The following ARIH1 variants were observed in gnomAD, a reference collection of about 807,000 sequenced individuals.
The protein encoded by ARIH1 is ariadne RBR E3 ubiquitin protein ligase 1.
ARIH1 carries 8 observed loss-of-function variants against 85.0 expected under a neutral mutation model. The observed-to-expected ratio is 0.09, with a 90% CI of 0.06 to 0.17. ARIH1 has a LOEUF of 0.17. ARIH1 is among the 10% of genes least tolerant of loss of function. The pLI is 1.00. For missense variants in ARIH1, 311 were observed against 718.1 expected (o/e 0.43, Z 6.48); for synonymous variants, 238 against 253.6 (o/e 0.94, Z 0.59).
chr15:72,475,407 AC>A (rs981442380), intron 1 of ARIH1, among the ~76,000 whole-genome samples: 108 of 152,276 alleles, frequency 7.1e-4, no homozygotes, highest in African/African-American at 2.5e-3. Flanking sequence ...GACGGGACTT[AC>A]CCCGGCCGTA....
chr15:72,588,523 G>T lies in ARIH1; in HGVS notation c.*5231G>T, dbSNP rs957710751. On this transcript the variant is annotated 3_prime_UTR_variant, in exon 14 of 14. Coordinates refer to ENST00000379887, the MANE Select transcript of ARIH1 (RefSeq NM_005744.5). The stretch of plus-strand genomic sequence containing the variant: ...CCGGTGATTCTCACATGCAGACTAG[G>T]TTGAGATCCTTGATCTAGACTGCCT... 2.0e-5 allele frequency: 3 copies of T among 152,154 alleles called. No individual in the cohort carries two copies. The highest frequency in any genetic ancestry group is 4.1e-4 in the South Asian group (2 of 4,826). The allele number at this position is 152,154 out of a possible 1,614,324, so 9.4% of individuals were successfully genotyped here.
chr15:72,572,058 TTTTCATTGA>T, intron 10 of ARIH1, 41 bp from the exon 11 acceptor site: 2 of 1,331,978 alleles, frequency 1.5e-6, no homozygotes, highest in Non-Finnish European at 2.1e-6. Context: ...TTTTTTTTCC[TTTTCATTGA>T]TTTTTTTTTT....
intron 2 of ARIH1, among the ~76,000 whole-genome samples, chr15:72,520,743 G>A (rs946047137): frequency 6.6e-6 from 1 of 152,040 alleles, no homozygotes; most frequent in African/African-American, 2.4e-5. Context: ...TTTACTTGAA[G>A]TTTTAATCCA....
chr15:72,493,111 T>C (rs1339225317), intron 1 of ARIH1, among the ~76,000 whole-genome samples: 1 of 152,176 alleles, frequency 6.6e-6, no homozygotes, highest in Non-Finnish European at 1.5e-5. Context: ...GACCTCTGAT[T>C]TAGAGTTCTT....
chr15:72,563,589 G>GTGTT, intron 7 of ARIH1, 89 bp downstream of exon 7: 1 of 1,110,980 alleles, frequency 9.0e-7, no homozygotes, highest in Non-Finnish European at 1.4e-6. Flanking sequence ...CAGAAAAAAA[G>GTGTT]TGTTTACCTT....
chr15:72,475,058 A>T, intron 1 of ARIH1, 44 bp downstream of exon 1: 2 of 1,544,094 alleles, frequency 1.3e-6, no homozygotes, highest in Non-Finnish European at 1.7e-6. Context: ...CCGACGGGGG[A>T]GCGGATTCAG....
intron 7 of ARIH1, among the ~76,000 whole-genome samples, chr15:72,564,681 C>G (rs1205148110): frequency 6.6e-6 from 1 of 152,134 alleles, no homozygotes; most frequent in East Asian, 1.9e-4. Context: ...AACTGGGCGG[C>G]TTCTAAACAA....
At position 72,585,346 on chromosome 15, in the gene ARIH1, A is replaced by G. The variant is rs1041501632; in HGVS notation, c.*2054A>G. 1 of 152,074 alleles carries G rather than the reference A, an allele frequency of 6.6e-6. No individual in the cohort carries two copies. Among genetic ancestry groups the G allele is most frequent in the Non-Finnish European group, 1.5e-5 (1 of 68,034 alleles). The allele number at this position is 152,074 out of a possible 1,614,324, so 9.4% of individuals were successfully genotyped here. A position where few individuals can be genotyped will look rare whatever the true frequency, so the allele number is the denominator to read the frequency against. On this transcript the variant is annotated 3_prime_UTR_variant, in exon 14 of 14. Transcript: ENST00000379887. Reference sequence around the variant, plus strand: ...TCTCTCCCCTCTTCCCCCATTATCCATATGACATTATTTTACTTCAAATGA... The same window carrying G: ...TCTCTCCCCTCTTCCCCCATTATCCGTATGACATTATTTTACTTCAAATGA...
chr15:72,536,889 T>TTATAA (rs1221916785), intron 2 of ARIH1, among the ~76,000 whole-genome samples: 2 of 152,176 alleles, frequency 1.3e-5, no homozygotes. Flanking sequence ...TTTTATTTTA[T>TTATAA]TATAATGCCT....
chr15:72,580,047 T>G (rs1014259018), intron 11 of ARIH1, among the ~76,000 whole-genome samples: 1 of 152,184 alleles, frequency 6.6e-6, no homozygotes, highest in African/African-American at 2.4e-5. Flanking sequence ...TATCTGAAAC[T>G]TTGTACTCTT....
intron 2 of ARIH1, among the ~76,000 whole-genome samples, chr15:72,518,497 A>G (rs888102614): frequency 4.7e-4 from 71 of 152,152 alleles, no homozygotes; most frequent in African/African-American, 1.7e-3. Context: ...ACTTAAAAAG[A>G]TTTCTTGCTC....
intron 1 of ARIH1, among the ~76,000 whole-genome samples, chr15:72,517,353 C>T (rs890570923): frequency 6.6e-6 from 1 of 152,150 alleles, no homozygotes; most frequent in Non-Finnish European, 1.5e-5. Flanking sequence ...CCTCCTGCCT[C>T]AACCTCCTGA....
intron 11 of ARIH1, among the ~76,000 whole-genome samples, chr15:72,576,011 G>A (rs1419993776): frequency 2.0e-5 from 3 of 152,054 alleles, no homozygotes; most frequent in African/African-American, 7.2e-5. Context: ...GCACCACCGC[G>A]CCCAACTTGT....
At chr15:72,532,560 A>G (rs772957838) in intron 2 of ARIH1, among the ~76,000 whole-genome samples, 1 of 152,224 alleles carries the variant, frequency 6.6e-6, no homozygotes, top group Non-Finnish European at 1.5e-5. Flanking sequence ...TTCTGCCTTC[A>G]TAAAGATATC....
At chr15:72,475,184 G>A in intron 1 of ARIH1, 170 bp downstream of exon 1, 1 of 1,337,416 alleles carries the variant, frequency 7.5e-7, no homozygotes, top group Admixed American at 3.3e-5. Context: ...CGAAAGCAGA[G>A]GTTCGCCGAT....
chr15:72,482,386 TG>T (rs1255635446), intron 1 of ARIH1, among the ~76,000 whole-genome samples: 1 of 152,120 alleles, frequency 6.6e-6, no homozygotes, highest in African/African-American at 2.4e-5. Context: ...TTTAAATAAG[TG>T]GATAGTAATA....
At chr15:72,493,431 A>ATG (rs1243009547) in intron 1 of ARIH1, among the ~76,000 whole-genome samples, 1 of 152,192 alleles carries the variant, frequency 6.6e-6, no homozygotes, top group Non-Finnish European at 1.5e-5. Context: ...ACAGCAGCAC[A>ATG]TGTGCACCCT....
At chr15:72,535,753 A>C (rs2064079157) in intron 2 of ARIH1, among the ~76,000 whole-genome samples, 1 of 152,210 alleles carries the variant, frequency 6.6e-6, no homozygotes, top group Non-Finnish European at 1.5e-5. Flanking sequence ...GGAGCAAAAG[A>C]CCATTAAGCA....
At chr15:72,573,934 ATC>A (rs1271356315) in intron 11 of ARIH1, among the ~76,000 whole-genome samples, 3 of 152,198 alleles carry the variant, frequency 2.0e-5, no homozygotes, top group Admixed American at 6.5e-5. Flanking sequence ...CTTAAGTCAT[ATC>A]CCACTAACTT....
Sources: allele counts gnomAD v4.1 joint callset (sites outside exome capture counted in the v4.1 genomes callset), GRCh38; gene constraint gnomAD v4.1.1; transcripts MANE v1.5; gene names NCBI Gene and HGNC (gene_info 2026-07-23, HGNC 2026-07-21).